RAPSN: variants seen among roughly 807,000 people sequenced by gnomAD.
The protein encoded by RAPSN is receptor associated protein of the synapse, also known as 43 kDa receptor-associated protein of the synapse.
In RAPSN, 33 loss-of-function variants were observed where a neutral mutation model predicts 45.7. That is an observed-to-expected ratio of 0.72 (90% confidence interval 0.55 to 0.97). The LOEUF (loss-of-function observed/expected upper bound fraction) is 0.97, where lower values mean the gene tolerates loss of function less well. Among genes scored for constraint, RAPSN ranks in the 50% least tolerant of loss-of-function variants. The probability of loss-of-function intolerance (pLI) is 0.00; values close to 1 mark genes in which losing one functional copy is unlikely to be tolerated. For synonymous variants in RAPSN, 244 were observed against 233.6 expected (o/e 1.04, Z -0.40); for missense variants, 519 against 559.4 (o/e 0.93, Z 0.73).
chr11:47,444,907 A>T (rs1207627202), intron 2 of RAPSN, among the ~76,000 whole-genome samples: 1 of 148,924 alleles, frequency 6.7e-6, no homozygotes, highest in African/African-American at 2.5e-5. Context: ...ACTGTGTGTC[A>T]TATTACTACA....
Position 47,441,706 on chromosome 11 carries a change from T to G in RAPSN, c.817A>C (p.Met273Leu). 1.2e-6 allele frequency: 2 copies of G among 1,608,848 alleles called. No homozygotes were observed. The highest frequency in any genetic ancestry group is 3.3e-5 in the Admixed American group (2 of 60,000). The change falls in exon 5 of 8, where the codon ATG becomes CTG. Residue 273 changes from methionine (M) to leucine (L), a missense_variant. Coordinates refer to ENST00000298854, the MANE Select transcript of RAPSN (RefSeq NM_005055.5). ...TTTCCGATCTCGGTCATGATGCTCA[T>G]GGCGGAGTCGTACCTGGGGAAGGCT... Reference protein sequence around the residue: ...ETAFPRYDSAMSIMTEIGNRL... With the variant: ...ETAFPRYDSALSIMTEIGNRL...
In RAPSN at chr11:47,441,605, C is replaced by T. The variant is rs781362707; in HGVS notation, c.912+6G>A. 15 of 1,605,102 alleles carry T rather than the reference C, an allele frequency of 9.3e-6. No homozygotes were observed. In the South Asian group the frequency reaches 1.4e-4, roughly 15 times the overall value. ...GCTGGAGGCTGTGGGAAAGGCCCGA[C>T]CTCACCTTGTCCAGCGCCTTCCTGG... On this transcript the variant is annotated splice_donor_region_variant and intron_variant, in intron 5 of 7. Transcript: ENST00000298854.
intron 2 of RAPSN, among the ~76,000 whole-genome samples, chr11:47,446,013 C>G (rs2076402785): frequency 1.3e-5 from 2 of 151,860 alleles, no homozygotes; most frequent in South Asian, 4.2e-4. Context: ...ACTGCAGCCT[C>G]AAACTCCTGG....
intron 2 of RAPSN, among the ~76,000 whole-genome samples, chr11:47,447,591 C>T (rs1378960755): frequency 1.1e-4 from 16 of 152,198 alleles, no homozygotes; most frequent in Admixed American, 1.0e-3. Flanking sequence ...CATTATTCCT[C>T]CAGGAAGTCA....
At chr11:47,442,291 G>A (rs1329383011) in intron 3 of RAPSN, among the ~76,000 whole-genome samples, 1 of 152,210 alleles carries the variant, frequency 6.6e-6, no homozygotes, top group African/African-American at 2.4e-5. Context: ...TTGGAAGGGA[G>A]TGGGTTTGGG....
rs1304668133 is a variant in RAPSN, at chr11:47,441,809, C to G, written c.789+14G>C. On this transcript the variant is annotated intron_variant, in intron 4 of 7. Coordinates refer to ENST00000298854, the MANE Select transcript of RAPSN (RefSeq NM_005055.5). ...TGCCCCCTGCCCCCAGCCCCTGCATCCCGGTGACCTCACCTCCAGGTCCCC... is the reference window on the plus strand; with the variant it reads ...TGCCCCCTGCCCCCAGCCCCTGCATGCCGGTGACCTCACCTCCAGGTCCCC... 4 of 1,375,200 alleles carry G rather than the reference C, an allele frequency of 2.9e-6. No individual in the cohort carries two copies. The South Asian group carries it at 4.8e-5, about 17-fold the overall frequency. The allele number at this position is 1,375,200 out of a possible 1,614,324, so 85.2% of individuals were successfully genotyped here.
Position 47,441,169 on chromosome 11 carries a change from A to G in RAPSN, c.956T>C (p.Val319Ala). ...AGAATCAAGTCTGACCTTGTTCCCCACCTCCTCGGCCAGATCCTGGGCTCT... is the reference window on the plus strand; with the variant it reads ...AGAATCAAGTCTGACCTTGTTCCCCGCCTCCTCGGCCAGATCCTGGGCTCT... The part of the protein sequence containing the change: ...IERAQDLAEE[V>A]GNKLSQLKLH... The change falls in exon 6 of 8, where the codon GTG (valine) becomes GCG (alanine). Residue 319 changes from valine (V) to alanine (A), a missense_variant. Val to Ala is a moderately conservative substitution (Grantham distance 64). Transcript: ENST00000298854. The G allele has an allele frequency of 6.2e-7, 1 of 1,613,152 alleles. No homozygotes were observed. Among genetic ancestry groups the G allele is most frequent in the Non-Finnish European group, 8.5e-7 (1 of 1,179,786 alleles).
Position 47,449,086 on chromosome 11 carries a change from G to T in RAPSN, c.-122C>A. On this transcript the variant is annotated 5_prime_UTR_variant, in exon 1 of 8. Transcript: ENST00000298854. ...AAACGTGGGAACAAAAGCAGCGTCG[G>T]GTGGGAGCCGGAATGGGGCCTGGAT... 2 of 1,217,334 alleles carry T rather than the reference G, an allele frequency of 1.6e-6. No homozygotes were observed. Among genetic ancestry groups the T allele is most frequent in the Non-Finnish European group, 2.4e-6 (2 of 841,700 alleles). The allele number at this position is 1,217,334 out of a possible 1,614,324, so 75.4% of individuals were successfully genotyped here. A position where few individuals can be genotyped will look rare whatever the true frequency, so the allele number is the denominator to read the frequency against.
intron 2 of RAPSN, among the ~76,000 whole-genome samples, chr11:47,444,729 G>A (rs2076391071): frequency 6.6e-6 from 1 of 151,524 alleles, no homozygotes; most frequent in Non-Finnish European, 1.5e-5. Context: ...GTGGTGACAA[G>A]TGCCTGTGGT....
intron 2 of RAPSN, among the ~76,000 whole-genome samples, chr11:47,445,770 G>A (rs559659193): frequency 3.3e-5 from 5 of 152,044 alleles, no homozygotes; most frequent in African/African-American, 1.2e-4. Context: ...TCATCTAAGA[G>A]AAAAGACAAT....
chr11:47,448,470 G>T (rs2076428521), intron 1 of RAPSN, among the ~76,000 whole-genome samples: 1 of 122,128 alleles, frequency 8.2e-6, no homozygotes, highest in African/African-American at 3.1e-5. Context: ...CTCAGACACA[G>T]AACACCAGAC....
In RAPSN at chr11:47,438,857, C is replaced by T. The variant is rs149683345; in HGVS notation, c.1041G>A (p.Ala347=). 5.5e-4 allele frequency: 864 copies of T among 1,569,546 alleles called. 2 individuals are homozygous for T. The highest frequency in any genetic ancestry group is 7.0e-4 in the Non-Finnish European group (807 of 1,156,684). ...CGCACTCGTGGAACCTCACAACGTG[C>T]GCCCGCAGTTCCCGCTGCAGCCCTT... ...RSKGLQRELR[A]HVVRFHECVE... The change falls in exon 7 of 8, where the codon GCG becomes GCA. Residue 347 remains alanine, a synonymous_variant. Coordinates refer to ENST00000298854, the MANE Select transcript of RAPSN (RefSeq NM_005055.5).
Position 47,438,779 on chromosome 11 carries a change from C to T in RAPSN, c.1119G>A (p.Lys373=), listed in dbSNP as rs1048200516. 4 of 1,567,470 alleles carry T rather than the reference C, an allele frequency of 2.6e-6. No individual in the cohort carries two copies. The Admixed American group carries it at 5.5e-5, about 21-fold the overall frequency. ...CGLCGESIGE[K]NSRLQALPCS... The stretch of plus-strand genomic sequence containing the variant: ...AAGGTAGGGCCTGCAGCCGGCTGTT[C>T]TTCTCGCCTATGGACTCGCCGCACA... The change falls in exon 7 of 8, where the codon AAG becomes AAA. Residue 373 remains lysine (K), a synonymous_variant. Coordinates refer to ENST00000298854, the MANE Select transcript of RAPSN (RefSeq NM_005055.5).
chr11:47,440,473 C>T (rs2076353730), intron 6 of RAPSN, among the ~76,000 whole-genome samples: 1 of 152,180 alleles, frequency 6.6e-6, no homozygotes, highest in African/African-American at 2.4e-5. Flanking sequence ...AGAGGCCGGG[C>T]CTGGTGGCTC....
chr11:47,441,066 T>C (rs2153308083), intron 6 of RAPSN, 93 bp downstream of exon 6: 2 of 1,510,624 alleles, frequency 1.3e-6, no homozygotes, highest in East Asian at 4.5e-5. Context: ...GAAGGGCTCA[T>C]GACGTGAGTA....
intron 2 of RAPSN, among the ~76,000 whole-genome samples, chr11:47,445,081 A>T (rs2076394586): frequency 1.3e-5 from 2 of 148,318 alleles, no homozygotes; most frequent in Admixed American, 1.4e-4. Context: ...CACAAAAAAA[A>T]TTAGCGGGGC....
chr11:47,440,024 T>C (rs183928001), intron 6 of RAPSN, among the ~76,000 whole-genome samples: 1 of 152,276 alleles, frequency 6.6e-6, no homozygotes. Context: ...TAATCTTCTC[T>C]GTATTGTTCC....
chr11:47,437,928 G>T lies in RAPSN; in HGVS notation c.*47C>A. The T allele has an allele frequency of 6.5e-7, 1 of 1,548,994 alleles. No homozygotes were observed. Among genetic ancestry groups the T allele is most frequent in the Non-Finnish European group, 8.7e-7 (1 of 1,144,936 alleles). On this transcript the variant is annotated 3_prime_UTR_variant, in exon 8 of 8. Coordinates refer to ENST00000298854, the MANE Select transcript of RAPSN (RefSeq NM_005055.5). ...AAATGGGCCTCTGGCGTGCAGTGGA[G>T]AAAGAGCAGGAGTGGCGAGGAGGAA...
At position 47,447,768 on chromosome 11, in the gene RAPSN, G is replaced by A. The variant is rs370391925; in HGVS notation, c.531+44C>T. On this transcript the variant is annotated intron_variant, in intron 2 of 7. Coordinates refer to ENST00000298854, the MANE Select transcript of RAPSN (RefSeq NM_005055.5). ...AGGGTGTGTGCCTCATGAGAGGGGA[G>A]CCCCAAAACCCTCCACTGCTGTCCC... 3.2e-6 allele frequency: 5 copies of A among 1,569,318 alleles called. No individual in the cohort carries two copies. In the African/African-American group the frequency reaches 6.8e-5, roughly 21 times the overall value.
Sources: allele counts gnomAD v4.1 joint callset (sites outside exome capture counted in the v4.1 genomes callset), GRCh38; gene constraint gnomAD v4.1.1; transcripts MANE v1.5; gene names NCBI Gene and HGNC (gene_info 2026-07-23, HGNC 2026-07-21).